The following JMJD1C variants were observed in gnomAD, a reference collection of about 807,000 sequenced individuals.
JMJD1C encodes jumonji domain-containing protein 1C.
Under a neutral mutation model 245.3 loss-of-function variants are expected in JMJD1C, and 31 were observed. The ratio of observed to expected loss-of-function variants is 0.13; its 90% CI spans 0.09 to 0.17. The LOEUF is 0.17. Ranked by LOEUF, JMJD1C falls within the 10% of genes least tolerant of loss-of-function variation. The pLI is 1.00. For synonymous variants in JMJD1C, 1,057 were observed against 1,017.4 expected, an observed-to-expected ratio of 1.04 and a Z score of -0.74; for missense variants, 2,691 against 3,000.2, an observed-to-expected ratio of 0.90 and a Z score of 2.41.
intron 2 of JMJD1C, among the ~76,000 whole-genome samples, chr10:63,347,541 G>A (rs541418242): frequency 9.5e-4 from 139 of 145,628 alleles, no homozygotes; most frequent in African/African-American, 2.9e-3. Flanking sequence ...CCAAGACTGC[G>A]CCACTGCACT....
In JMJD1C at chr10:63,214,623, T is replaced by C. The variant is rs61758117; in HGVS notation, c.1544A>G (p.Asp515Gly). The change falls in exon 8 of 26, where the codon GAC (aspartate) becomes GGC (glycine). Residue 515 changes from aspartate (D) to glycine (G), a missense_variant. Physicochemically the swap from Asp to Gly is moderately conservative, Grantham distance 94. Coordinates refer to ENST00000399262, the MANE Select transcript of JMJD1C (RefSeq NM_032776.3). ...CTGAGCCACCTTTTCTAAATTAGTGTCATTTGTAATATCAATAACACATTT... is the reference window on the plus strand; with the variant it reads ...CTGAGCCACCTTTTCTAAATTAGTGCCATTTGTAATATCAATAACACATTT... Reference protein sequence around the residue: ...TPKCVIDITNDTNLEKVAQEN... With the variant: ...TPKCVIDITNGTNLEKVAQEN... The C allele has an allele frequency of 1.2e-4, 188 of 1,614,148 alleles. No individual in the cohort carries two copies. The African/African-American group carries it at 1.9e-3, about 16-fold the overall frequency.
chr10:63,322,430 C>T (rs148610286), intron 2 of JMJD1C, among the ~76,000 whole-genome samples: 57 of 152,128 alleles, frequency 3.7e-4, no homozygotes, highest in Middle Eastern at 6.8e-3. Flanking sequence ...GGACTCAGTA[C>T]GATGATTTTA....
chr10:63,241,161 G>C (rs2133502937), intron 3 of JMJD1C, among the ~76,000 whole-genome samples: 2 of 152,330 alleles, frequency 1.3e-5, no homozygotes, highest in South Asian at 4.1e-4. Context: ...AATACAGTGT[G>C]TGGGATCTGC....
chr10:63,401,466 C>T (rs866526679), intron 1 of JMJD1C, among the ~76,000 whole-genome samples: 6 of 152,188 alleles, frequency 3.9e-5, no homozygotes, highest in African/African-American at 1.4e-4. Flanking sequence ...AGGCTGGTCT[C>T]GAACTCTTGG....
At chr10:63,202,600 T>C (rs1335502437) in intron 10 of JMJD1C, 2 of 985,464 alleles carry the variant, frequency 2.0e-6, no homozygotes, top group Non-Finnish European at 1.2e-6. Context: ...TCTTTACAAT[T>C]ACATGCTTTC....
intron 1 of JMJD1C, among the ~76,000 whole-genome samples, chr10:63,518,753 C>A (rs993571822): frequency 6.6e-6 from 1 of 152,206 alleles, no homozygotes; most frequent in Non-Finnish European, 1.5e-5. Flanking sequence ...CTGTCCCACA[C>A]CTCTCTAGCC....
At chr10:63,234,506 A>AAC (rs1564654768) in intron 3 of JMJD1C, among the ~76,000 whole-genome samples, 5 of 148,718 alleles carry the variant, frequency 3.4e-5, no homozygotes, top group Admixed American at 6.7e-5. Context: ...AAAAAAAAAA[A>AAC]AAAAAAAAAA....
At chr10:63,275,082 TAA>T (rs1490742636) in intron 2 of JMJD1C, among the ~76,000 whole-genome samples, 1 of 152,188 alleles carries the variant, frequency 6.6e-6, no homozygotes, top group African/African-American at 2.4e-5. Context: ...CCTATTACTT[TAA>T]TGTTAGAAAT....
intron 1 of JMJD1C, among the ~76,000 whole-genome samples, chr10:63,437,876 A>C (rs1448646788): frequency 6.6e-6 from 1 of 152,142 alleles, no homozygotes; most frequent in Non-Finnish European, 1.5e-5. Flanking sequence ...TTTTCCACTA[A>C]GCTTTCTGAA....
chr10:63,272,173 AATG>A (rs1476814029), intron 2 of JMJD1C, among the ~76,000 whole-genome samples: 1 of 152,180 alleles, frequency 6.6e-6, no homozygotes, highest in African/African-American at 2.4e-5. Context: ...AGAGATGGGC[AATG>A]ATTAGCCTAA....
At chr10:63,185,473 C>T in intron 20 of JMJD1C, 90 bp downstream of exon 20, 1 of 773,650 alleles carries the variant, frequency 1.3e-6, no homozygotes. Context: ...AAAAAGCCTA[C>T]AGGTCACATT....
At chr10:63,465,101 G>A (rs1180557589) in intron 1 of JMJD1C, 1 of 237,138 alleles carries the variant, frequency 4.2e-6, no homozygotes, top group African/African-American at 2.3e-5. Flanking sequence ...GAGATACCAG[G>A]GAAGCTGGCC....
chr10:63,442,340 A>G (rs1951440228), intron 1 of JMJD1C, among the ~76,000 whole-genome samples: 1 of 152,234 alleles, frequency 6.6e-6, no homozygotes, highest in African/African-American at 2.4e-5. Flanking sequence ...AGTTTAAAGT[A>G]TATGACACGC....
chr10:63,294,956 G>T (rs542257187), intron 2 of JMJD1C, among the ~76,000 whole-genome samples: 1 of 152,134 alleles, frequency 6.6e-6, no homozygotes, highest in Admixed American at 6.5e-5. Flanking sequence ...CTAAATTGTT[G>T]CAGCCAGTCT....
chr10:63,400,956 G>T (rs1948812968), intron 1 of JMJD1C, among the ~76,000 whole-genome samples: 1 of 151,314 alleles, frequency 6.6e-6, no homozygotes, highest in Non-Finnish European at 1.5e-5. Context: ...CGCCTCCCGG[G>T]TTCAAGCAGT....
At chr10:63,209,704 C>T (rs1847095458) in intron 8 of JMJD1C, among the ~76,000 whole-genome samples, 1 of 152,188 alleles carries the variant, frequency 6.6e-6, no homozygotes, top group East Asian at 1.9e-4. Context: ...AATTTACTGA[C>T]AATTGGCAGA....
intron 3 of JMJD1C, among the ~76,000 whole-genome samples, chr10:63,238,616 G>C (rs1851078006): frequency 6.6e-6 from 1 of 152,134 alleles, no homozygotes; most frequent in Non-Finnish European, 1.5e-5. Context: ...GTTCCAGAAA[G>C]ACAAAATTTT....
intron 1 of JMJD1C, among the ~76,000 whole-genome samples, chr10:63,392,823 C>CAAAAA (rs1564870476): frequency 1.5e-5 from 1 of 65,462 alleles, no homozygotes; most frequent in African/African-American, 6.4e-5. Context: ...GACTTCGTCT[C>CAAAAA]CAAAAAAAAA....
At chr10:63,335,823 A>T (rs933212735) in intron 2 of JMJD1C, among the ~76,000 whole-genome samples, 8 of 146,056 alleles carry the variant, frequency 5.5e-5, no homozygotes, top group African/African-American at 2.0e-4. Flanking sequence ...ATATTTTCCT[A>T]AAAAAAAAAC....
Sources: gnomAD v4.1 joint callset for allele counts (sites outside exome capture counted in the v4.1 genomes callset) on GRCh38, gnomAD v4.1.1 for gene constraint, MANE v1.5 for transcripts, NCBI Gene and HGNC (gene_info 2026-07-23, HGNC 2026-07-21) for gene names.